The following SPMIP2 variants were observed in gnomAD, a reference collection of about 807,000 sequenced individuals.
The protein encoded by SPMIP2 is sperm microtubule inner protein 2.
chr4:159,044,793 A>G, the SPMIP2 span, among the ~76,000 whole-genome samples: 1 of 152,174 alleles, frequency 6.6e-6, no homozygotes, highest in East Asian at 1.9e-4. Flanking sequence ...TTAGTGTGTT[A>G]AAGTCATAGC....
At chr4:158,970,496 T>C in the SPMIP2 span, among the ~76,000 whole-genome samples, 1 of 151,686 alleles carries the variant, frequency 6.6e-6, no homozygotes, top group Non-Finnish European at 1.5e-5. Flanking sequence ...GCTATGAGCA[T>C]GCCACTGTAC....
At chr4:159,057,252 A>G in the SPMIP2 span, among the ~76,000 whole-genome samples, 1 of 152,252 alleles carries the variant, frequency 6.6e-6, no homozygotes, top group African/African-American at 2.4e-5. Flanking sequence ...TTAGCAGGCA[A>G]GGAACAGTAG....
the SPMIP2 span, among the ~76,000 whole-genome samples, chr4:158,969,369 TA>T: frequency 6.6e-6 from 1 of 152,186 alleles, no homozygotes; most frequent in Non-Finnish European, 1.5e-5. Context: ...ACAACATATA[TA>T]GTTTGATAAA....
the SPMIP2 span, among the ~76,000 whole-genome samples, chr4:158,915,571 C>G: frequency 1.3e-5 from 2 of 152,150 alleles, no homozygotes; most frequent in Admixed American, 6.6e-5. Context: ...AGAACCACCC[C>G]CAAGATGGAC....
At chr4:159,005,007 C>T in the SPMIP2 span, among the ~76,000 whole-genome samples, 17 of 151,972 alleles carry the variant, frequency 1.1e-4, 1 homozygote, top group South Asian at 2.5e-3. Context: ...TCGAGGCAAG[C>T]GGATCATGAG....
At chr4:159,048,448 T>C in the SPMIP2 span, among the ~76,000 whole-genome samples, 1 of 152,312 alleles carries the variant, frequency 6.6e-6, no homozygotes, top group South Asian at 2.1e-4. Context: ...TATTAGGCTT[T>C]GTCTTCTCGT....
chr4:158,899,222 T>C, the SPMIP2 span, among the ~76,000 whole-genome samples: 1 of 152,152 alleles, frequency 6.6e-6, no homozygotes, highest in South Asian at 2.1e-4. Flanking sequence ...TGGATAAGCT[T>C]TTTGATGTGC....
chr4:159,060,414 C>A, the SPMIP2 span, among the ~76,000 whole-genome samples: 2 of 152,280 alleles, frequency 1.3e-5, no homozygotes, highest in South Asian at 4.1e-4. Context: ...GCTGTTAAGG[C>A]AGATGTAATC....
chr4:158,942,027 G>A, the SPMIP2 span, among the ~76,000 whole-genome samples: 1 of 152,184 alleles, frequency 6.6e-6, no homozygotes, highest in Admixed American at 6.5e-5. Context: ...GCTCAGTGAA[G>A]AAAACATTTG....
the SPMIP2 span, among the ~76,000 whole-genome samples, chr4:159,015,758 A>C: frequency 2.0e-5 from 3 of 152,350 alleles, no homozygotes; most frequent in African/African-American, 7.2e-5. Context: ...TCAAATGCTG[A>C]CAAAAGATTA....
At chr4:158,985,650 A>G in the SPMIP2 span, among the ~76,000 whole-genome samples, 6 of 152,336 alleles carry the variant, frequency 3.9e-5, no homozygotes, top group African/African-American at 2.4e-5. Context: ...AATAAGAGCT[A>G]TCTATGACAA....
chr4:159,027,402 G>A, the SPMIP2 span, among the ~76,000 whole-genome samples: 4 of 152,100 alleles, frequency 2.6e-5, no homozygotes, highest in African/African-American at 9.6e-5. Context: ...TATGTATATT[G>A]TCTACAATAT....
the SPMIP2 span, among the ~76,000 whole-genome samples, chr4:158,897,757 G>C: frequency 6.6e-6 from 1 of 152,156 alleles, no homozygotes; most frequent in African/African-American, 2.4e-5. Context: ...CAGATGGGAA[G>C]ATGGCAAAAA....
chr4:159,007,847 G>A, the SPMIP2 span: 4 of 547,166 alleles, frequency 7.3e-6, no homozygotes, highest in East Asian at 1.9e-4. Context: ...TCCAGGACTA[G>A]AAGGAAAATA....
chr4:158,961,549 T>C, the SPMIP2 span, among the ~76,000 whole-genome samples: 3 of 152,156 alleles, frequency 2.0e-5, no homozygotes, highest in Non-Finnish European at 2.9e-5. Flanking sequence ...GAAAATTGAA[T>C]TTGAATTCCA....
At chr4:158,960,586 G>T in the SPMIP2 span, among the ~76,000 whole-genome samples, 9 of 152,154 alleles carry the variant, frequency 5.9e-5, no homozygotes, top group Non-Finnish European at 8.8e-5. Context: ...TGAAAGGAGG[G>T]TGCTGGGTAG....
the SPMIP2 span, among the ~76,000 whole-genome samples, chr4:158,918,627 T>G: frequency 1.3e-5 from 2 of 152,214 alleles, no homozygotes; most frequent in South Asian, 2.1e-4. Context: ...ATTCAGTATC[T>G]CCTACATCCC....
the SPMIP2 span, among the ~76,000 whole-genome samples, chr4:158,958,500 C>T: frequency 6.6e-6 from 1 of 152,128 alleles, no homozygotes; most frequent in Non-Finnish European, 1.5e-5. Context: ...AATACAAGTT[C>T]CAAGAAGGGC....
At chr4:159,075,340 T>C in the SPMIP2 span, among the ~76,000 whole-genome samples, 2 of 152,218 alleles carry the variant, frequency 1.3e-5, no homozygotes, top group Admixed American at 6.5e-5. Context: ...TGAGATATTA[T>C]CCGTGATATT....
Sources: gnomAD v4.1 joint callset for allele counts (sites outside exome capture counted in the v4.1 genomes callset) on GRCh38, gnomAD v4.1.1 for gene constraint, MANE v1.5 for transcripts, NCBI Gene and HGNC (gene_info 2026-07-23, HGNC 2026-07-21) for gene names.